LMF1: variants seen among roughly 807,000 people sequenced by gnomAD.
LMF1 encodes the protein lipase maturation factor 1, also known as transmembrane protein 112.
In LMF1, 68 loss-of-function variants were observed where a neutral mutation model predicts 60.6. The ratio of observed to expected loss-of-function variants is 1.12; its 90% CI spans 0.92 to 1.37. The LOEUF (loss-of-function observed/expected upper bound fraction) is 1.37, where lower values mean the gene tolerates loss of function less well. Ranked by LOEUF, LMF1 falls within the 40% of genes most tolerant of loss-of-function variation. The pLI is 0.00. For missense variants in LMF1, 948 were observed against 767.2 expected (o/e 1.24, Z -2.78); for synonymous variants, 418 against 324.7 (o/e 1.29, Z -3.09).
chr16:970,547 C>T (rs994019914), intron 1 of LMF1, among the ~76,000 whole-genome samples: 1 of 152,182 alleles, frequency 6.6e-6, no homozygotes, highest in Non-Finnish European at 1.5e-5. Flanking sequence ...GCGGGTGGAA[C>T]CGGGAGCCCA....
chr16:871,652 G>A, intron 6 of LMF1: 1 of 336,608 alleles, frequency 3.0e-6, no homozygotes, highest in Admixed American at 4.4e-5. Context: ...CAGACCCTGT[G>A]CCCTCCTGGA....
At chr16:882,023 G>A (rs1157579961) in intron 5 of LMF1, among the ~76,000 whole-genome samples, 5 of 152,182 alleles carry the variant, frequency 3.3e-5, no homozygotes, top group Non-Finnish European at 5.9e-5. Context: ...CGTGGGAAGC[G>A]GCCCTTGGAT....
intron 3 of LMF1, among the ~76,000 whole-genome samples, chr16:931,385 C>A (rs578205123): frequency 6.6e-6 from 1 of 152,268 alleles, no homozygotes; most frequent in East Asian, 1.9e-4. Flanking sequence ...CAGTGACCGA[C>A]CCCGTGCCCC....
chr16:882,528 C>T (rs923479597), intron 5 of LMF1, among the ~76,000 whole-genome samples: 7 of 152,250 alleles, frequency 4.6e-5, no homozygotes, highest in South Asian at 2.1e-4. Flanking sequence ...CTGGACCTCC[C>T]GGCCTAGCTA....
rs1340524957 is a variant in LMF1, at chr16:878,748, G to GGGCAGGGGCA, written c.897+821_897+822insTGCCCCTGCC. On this transcript the variant is annotated intron_variant, in intron 6 of 10. Coordinates refer to ENST00000262301, the MANE Select transcript of LMF1 (RefSeq NM_022773.4). This position sits in a 1 kb window ranked among gnomAD's most constrained non-coding sequence, Gnocchi z 5.2. Reference sequence around the variant, plus strand: ...GGTGGGCAGGGCAGGGGAAGGGCGGGGGCAGGGGCGGGCAGGGCAGGGGAA... The same window carrying GGGCAGGGGCA: ...GGTGGGCAGGGCAGGGGAAGGGCGGGGGCAGGGGCAGGCAGGGGCGGGCAGGGCAGGGGAA... 7.5e-5 allele frequency among the ~76,000 whole-genome samples: 7 copies of GGGCAGGGGCA among 93,662 alleles called. No homozygotes were observed. In the East Asian group the frequency reaches 2.2e-3, roughly 30 times the overall value. 61.4% of individuals were successfully genotyped at this position (93,662 alleles called of 152,430 possible). A position where few individuals can be genotyped will look rare whatever the true frequency, so the allele number is the denominator to read the frequency against.
chr16:963,224 C>T (rs1361239822), intron 1 of LMF1, among the ~76,000 whole-genome samples: 1 of 152,114 alleles, frequency 6.6e-6, no homozygotes, highest in East Asian at 1.9e-4. Context: ...ACTGCCTCCA[C>T]CACTGGGTGG....
intron 10 of LMF1, among the ~76,000 whole-genome samples, chr16:867,696 C>G (rs573426472): frequency 6.6e-6 from 1 of 152,306 alleles, no homozygotes; most frequent in East Asian, 1.9e-4. Context: ...GCGGCCACCC[C>G]ACCGGGGGCT....
At chr16:951,923 C>T (rs2072481513) in intron 2 of LMF1, among the ~76,000 whole-genome samples, 1 of 152,230 alleles carries the variant, frequency 6.6e-6, no homozygotes, top group African/African-American at 2.4e-5. Context: ...GTCACAGGGC[C>T]TGGGGCATCG....
At chr16:980,118 T>TC (rs1171851526) in intron 1 of LMF1, 11 of 273,240 alleles carry the variant, frequency 4.0e-5, no homozygotes, top group Admixed American at 1.9e-4. Context: ...CACCGCTGCT[T>TC]CCTCTGACCT....
At chr16:928,609 G>T (rs1201467150) in intron 3 of LMF1, among the ~76,000 whole-genome samples, 1 of 152,068 alleles carries the variant, frequency 6.6e-6, no homozygotes, top group Non-Finnish European at 1.5e-5. Flanking sequence ...GAGGGAGCAG[G>T]GGGGCAAAGG....
intron 1 of LMF1, among the ~76,000 whole-genome samples, chr16:960,347 C>T (rs986993641): frequency 2.7e-5 from 4 of 147,910 alleles, no homozygotes; most frequent in Admixed American, 1.3e-4. Context: ...GGTGACAGCA[C>T]GGGATCACGA....
At position 859,908 on chromosome 16, in the gene LMF1, CAGTGGTGTCACGGGATCGGTGTG is replaced by C. The variant is rs1442806935; in HGVS notation, c.1530-5225_1530-5203del. Among the ~76,000 whole-genome samples, 49 of 102,420 alleles carry C rather than the reference CAGTGGTGTCACGGGATCGGTGTG, an allele frequency of 4.8e-4. 3 individuals carry two copies. Among genetic ancestry groups the C allele is most frequent in the African/African-American group, 1.4e-3 (23 of 16,818 alleles). The allele number at this position is 102,420 out of a possible 152,430, so 67.2% of individuals were successfully genotyped here. On this transcript the variant is annotated intron_variant, in intron 10 of 10. Transcript: ENST00000262301. ...TGAGTGGTGTCTCGGGATGGGTGTG[CAGTGGTGTCACGGGATCGGTGTG>C]AGTGGTGTCACGGGATGGGTGTGCA...
At chr16:946,223 G>A (rs1202968907) in intron 2 of LMF1, among the ~76,000 whole-genome samples, 4 of 152,332 alleles carry the variant, frequency 2.6e-5, no homozygotes, top group South Asian at 2.1e-4. Flanking sequence ...GGCAAGGTGC[G>A]GCGTCTGCCA....
intron 3 of LMF1, among the ~76,000 whole-genome samples, chr16:927,912 C>T (rs192173570): frequency 2.2e-4 from 33 of 152,318 alleles, no homozygotes; most frequent in African/African-American, 5.5e-4. Context: ...ACACGCACGG[C>T]GACACTTGGC....
At position 955,380 on chromosome 16, in the gene LMF1, C is replaced by A. The variant is rs1408572196; in HGVS notation, c.194-714G>T. On this transcript the variant is annotated intron_variant, in intron 1 of 10. Coordinates refer to ENST00000262301, the MANE Select transcript of LMF1 (RefSeq NM_022773.4). ...CGTTACATAAAATGCGTGCCCGCAG[C>A]AGACGCGGTGTGTGCATACACGCAC... Among the ~76,000 whole-genome samples, 12 of 148,436 alleles carry A rather than the reference C, an allele frequency of 8.1e-5. 1 individual carries two copies. Among genetic ancestry groups the A allele is most frequent in the Admixed American group, 7.4e-4 (11 of 14,894 alleles).
intron 5 of LMF1, among the ~76,000 whole-genome samples, chr16:883,546 C>G (rs2070225740): frequency 6.6e-6 from 1 of 152,228 alleles, no homozygotes; most frequent in Non-Finnish European, 1.5e-5. Context: ...AAGTAAAAGT[C>G]TTTCTGAGTC....
chr16:925,143 T>C (rs903507807), intron 3 of LMF1, among the ~76,000 whole-genome samples: 1 of 152,246 alleles, frequency 6.6e-6, no homozygotes, highest in Non-Finnish European at 1.5e-5. Flanking sequence ...CCTTGCTCAC[T>C]GTCACTGTCA....
chr16:867,409 A>G (rs932474301), intron 10 of LMF1, among the ~76,000 whole-genome samples: 4 of 152,224 alleles, frequency 2.6e-5, no homozygotes, highest in Admixed American at 2.6e-4. Flanking sequence ...CCTCTGGGCC[A>G]GCTCCAGGGT....
intron 1 of LMF1, among the ~76,000 whole-genome samples, chr16:964,582 T>G (rs2072885546): frequency 6.6e-6 from 1 of 152,280 alleles, no homozygotes; most frequent in African/African-American, 2.4e-5. Context: ...TCATTAGAAC[T>G]CAAGTGGCCC....
Sources: gnomAD v4.1 joint callset for allele counts (sites outside exome capture counted in the v4.1 genomes callset) on GRCh38, gnomAD v4.1.1 for gene constraint, Gnocchi (gnomAD v3.1) non-coding constraint, MANE v1.5 for transcripts, NCBI Gene and HGNC (gene_info 2026-07-23, HGNC 2026-07-21) for gene names.